Variants in ZNF90 observed in about 807,000 individuals in gnomAD.
The protein encoded by ZNF90 is zinc finger protein HTF9.
A neutral mutation model predicts 12.0 loss-of-function variants in ZNF90; 11 were observed. The ratio of observed to expected loss-of-function variants is 0.92; its 90% CI spans 0.58 to 1.52. ZNF90 has a LOEUF of 1.52. Among genes scored for constraint, ZNF90 ranks in the 40% most tolerant of loss-of-function variants. The pLI, the probability that ZNF90 is intolerant of heterozygous loss-of-function variation, is 0.00. For missense variants in ZNF90, 765 were observed against 711.5 expected, an observed-to-expected ratio of 1.08 and a Z score of -0.86; for synonymous variants, 232 against 240.1, an observed-to-expected ratio of 0.97 and a Z score of 0.31.
chr19:20,086,624 A>G (rs1303038057), intron 1 of ZNF90, among the ~76,000 whole-genome samples: 2 of 152,184 alleles, frequency 1.3e-5, no homozygotes, highest in African/African-American at 4.8e-5. Flanking sequence ...ACACTTCTGA[A>G]ATATAAAATG....
intron 3 of ZNF90, among the ~76,000 whole-genome samples, chr19:20,114,736 G>A (rs1217866279): frequency 2.0e-5 from 3 of 152,238 alleles, no homozygotes; most frequent in Admixed American, 6.5e-5. Flanking sequence ...CTATTGAGAA[G>A]GCTGTGTATC....
chr19:20,114,734 A>T (rs1281086826), intron 3 of ZNF90, among the ~76,000 whole-genome samples: 1 of 152,272 alleles, frequency 6.6e-6, no homozygotes, highest in East Asian at 1.9e-4. Context: ...AGCTATTGAG[A>T]AGGCTGTGTA....
chr19:20,106,502 T>C lies in ZNF90; in HGVS notation c.226+1186T>C, dbSNP rs573815664. Among the ~76,000 whole-genome samples the C allele has an allele frequency of 2.0e-4, 31 of 152,350 alleles. 3 individuals carry two copies. In the South Asian group the frequency reaches 6.2e-3, roughly 31 times the overall value. On this transcript the variant is annotated intron_variant, in intron 3 of 3. Coordinates refer to ENST00000418063, the MANE Select transcript of ZNF90 (RefSeq NM_007138.2). ...CGGAGTCTTGCTCTGTCACCCAGGC[T>C]GGAGTGCAGTGGCGCGATTTCGCTC... is the stretch of plus-strand genomic sequence containing the variant.
Position 20,118,869 on chromosome 19 carries a change from G to A in ZNF90, c.1315G>A (p.Ala439Thr), listed in dbSNP as rs782603576. ...ECDKVFKRSS[A>T]LSTHKIIHSG... The stretch of plus-strand genomic sequence containing the variant: ...TGACAAAGTCTTCAAACGCTCCTCA[G>A]CCCTTAGCACACATAAGATAATTCA... Residue 439 changes from alanine to threonine, a missense_variant, in exon 4 of 4, where the codon GCC becomes ACC. Coordinates refer to ENST00000418063, the MANE Select transcript of ZNF90 (RefSeq NM_007138.2). 1.2e-6 allele frequency: 2 copies of A among 1,601,356 alleles called. No individual in the cohort carries two copies. The highest frequency in any genetic ancestry group is 3.4e-5 in the Admixed American group (2 of 58,288).
intron 1 of ZNF90, among the ~76,000 whole-genome samples, chr19:20,091,040 G>A (rs1008283194): frequency 6.6e-5 from 10 of 152,132 alleles, no homozygotes; most frequent in Non-Finnish European, 1.5e-4. Flanking sequence ...TATAGAGGTG[G>A]GAAGGCCAAA....
rs148285234 is a variant in ZNF90 at position 20,093,947 on chromosome 19, G to C, written c.4-10292G>C. ...CAGAGAGCCTTGGGCTAGAGCTTTA[G>C]GGGTTCTAGGAGTGGCTGCCGGGTG... On this transcript the variant is annotated intron_variant, in intron 1 of 3. Coordinates refer to ENST00000418063, the MANE Select transcript of ZNF90 (RefSeq NM_007138.2). 5.7e-3 allele frequency among the ~76,000 whole-genome samples: 872 copies of C among 152,324 alleles called. 2 individuals carry two copies. The highest frequency in any genetic ancestry group is 0.017 in the Middle Eastern group (5 of 292).
chr19:20,093,801 T>C (rs954908944), intron 1 of ZNF90, among the ~76,000 whole-genome samples: 11 of 152,108 alleles, frequency 7.2e-5, no homozygotes, highest in Non-Finnish European at 1.3e-4. Context: ...GGGATGGACT[T>C]ACCCTCCACT....
chr19:20,105,370 G>A (rs2089027619), intron 3 of ZNF90, 54 bp downstream of exon 3: 4 of 1,430,740 alleles, frequency 2.8e-6, no homozygotes, highest in South Asian at 2.4e-5. Flanking sequence ...AGGTCCCAAG[G>A]TCAAAGAGAA....
chr19:20,078,160 G>A, intron 1 of ZNF90, 25 bp downstream of exon 1: 1 of 1,614,074 alleles, frequency 6.2e-7, no homozygotes, highest in Non-Finnish European at 8.5e-7. Flanking sequence ...CCAGCATTCC[G>A]AGAGAGGGGA....
chr19:20,113,613 A>AACCTACTCAATTTCCTCAT (rs2089110398), intron 3 of ZNF90, among the ~76,000 whole-genome samples: 5 of 152,080 alleles, frequency 3.3e-5, no homozygotes, highest in Non-Finnish European at 7.4e-5. Context: ...GCGGATCATG[A>AACCTACTCAATTTCCTCAT]GGTCAGGAAA....
chr19:20,104,656 C>T (rs1323999460), intron 2 of ZNF90, among the ~76,000 whole-genome samples: 2 of 152,158 alleles, frequency 1.3e-5, no homozygotes, highest in African/African-American at 4.8e-5. Flanking sequence ...CTAATTGCCA[C>T]CACCAACTTT....
chr19:20,110,712 T>G (rs2089081591), intron 3 of ZNF90, among the ~76,000 whole-genome samples: 1 of 152,242 alleles, frequency 6.6e-6, no homozygotes, highest in Non-Finnish European at 1.5e-5. Flanking sequence ...CTAAAAAATT[T>G]ATAGTGGCCA....
At chr19:20,096,207 G>T (rs2088943843) in intron 1 of ZNF90, among the ~76,000 whole-genome samples, 1 of 152,192 alleles carries the variant, frequency 6.6e-6, no homozygotes, top group African/African-American at 2.4e-5. Context: ...AAATTGGTGA[G>T]ATGTTTCTTG....
At chr19:20,080,556 G>C (rs991401581) in intron 1 of ZNF90, 2 of 214,778 alleles carry the variant, frequency 9.3e-6, no homozygotes, top group African/African-American at 4.7e-5. Context: ...GCGCTGGCTG[G>C]AAAGAGTTCT....
At position 20,119,155 on chromosome 19, in the gene ZNF90, C is replaced by T. The variant is rs186928119; in HGVS notation, c.1601C>T (p.Ala534Val). 2.8e-5 allele frequency: 42 copies of T among 1,497,416 alleles called. No homozygotes were observed. Among genetic ancestry groups the T allele is most frequent in the East Asian group, 1.4e-4 (5 of 36,948 alleles). The allele number at this position is 1,497,416 out of a possible 1,614,324, so 92.8% of individuals were successfully genotyped here. ...AAACATAAGATAATTCATACTGGAG[C>T]GAAACCCTACAAATGTGAAGAATGT... is the stretch of plus-strand genomic sequence containing the variant. ...LSKHKIIHTG[A>V]KPYKCEECGK... The change falls in exon 4 of 4, where the codon GCG (alanine) becomes GTG (valine). Residue 534 changes from alanine (A) to valine (V), a missense_variant. Ala to Val is a moderately conservative substitution (Grantham distance 64). Coordinates refer to ENST00000418063, the MANE Select transcript of ZNF90 (RefSeq NM_007138.2).
chr19:20,086,179 T>G (rs1227088982), intron 1 of ZNF90, among the ~76,000 whole-genome samples: 11 of 152,156 alleles, frequency 7.2e-5, no homozygotes, highest in African/African-American at 2.6e-4. Context: ...TATAGTTATG[T>G]GTAATGTTTG....
Position 20,119,413 on chromosome 19 carries a change from G to A in ZNF90, c.*53G>A, listed in dbSNP as rs990760631. The A allele has an allele frequency of 2.5e-5, 36 of 1,466,256 alleles. No homozygotes were observed. Among genetic ancestry groups the A allele is most frequent in the South Asian group, 5.4e-5 (4 of 73,962 alleles). 90.8% of individuals were successfully genotyped at this position (1,466,256 alleles called of 1,614,324 possible). ...AGATAATTCATACTGGAGAGAAACC[G>A]TATAAATGTGATGACTGTTGGAAAG... On this transcript the variant is annotated 3_prime_UTR_variant, in exon 4 of 4. Transcript: ENST00000418063.
intron 3 of ZNF90, among the ~76,000 whole-genome samples, chr19:20,106,044 C>CTT (rs56933917): frequency 0.029 from 2,022 of 70,886 alleles, 16 homozygotes; most frequent in East Asian, 0.043. Context: ...CTAATTTTTT[C>CTT]TTTTTTTTTT....
At chr19:20,111,774 A>T (rs940313802) in intron 3 of ZNF90, among the ~76,000 whole-genome samples, 1 of 152,176 alleles carries the variant, frequency 6.6e-6, no homozygotes, top group African/African-American at 2.4e-5. Flanking sequence ...AAGAACTTCA[A>T]TTGAATACAA....
Sources: allele counts gnomAD v4.1 joint callset (sites outside exome capture counted in the v4.1 genomes callset), GRCh38; gene constraint gnomAD v4.1.1; transcripts MANE v1.5; gene names NCBI Gene and HGNC (gene_info 2026-07-23, HGNC 2026-07-21).